Variants in WIF1 observed in about 807,000 individuals in gnomAD.
The protein encoded by WIF1 is Wnt inhibitory factor 1.
Under a neutral mutation model 53.5 loss-of-function variants are expected in WIF1, and 35 were observed. The ratio of observed to expected loss-of-function variants is 0.65; its 90% CI spans 0.50 to 0.87. The LOEUF (loss-of-function observed/expected upper bound fraction) is 0.87. WIF1 is among the 40% of genes least tolerant of loss of function. The probability of loss-of-function intolerance (pLI) is 0.00; values close to 1 mark genes in which losing one functional copy is unlikely to be tolerated. For synonymous variants in WIF1, 171 were observed against 170.4 expected (o/e 1.00, Z -0.03); for missense variants, 467 against 476.8 (o/e 0.98, Z 0.19).
intron 1 of WIF1, 192 bp from the exon 2 acceptor site, chr12:65,120,748 T>A: frequency 1.2e-6 from 1 of 826,384 alleles, no homozygotes; most frequent in Non-Finnish European, 1.8e-6. Context: ...AACAGACCCA[T>A]GCTTTCAGGG....
At chr12:65,054,558 C>G (rs1349046582) in intron 9 of WIF1, among the ~76,000 whole-genome samples, 2 of 152,158 alleles carry the variant, frequency 1.3e-5, no homozygotes, top group African/African-American at 4.8e-5. Flanking sequence ...AAATGCAACT[C>G]CATTATAACA....
intron 2 of WIF1, among the ~76,000 whole-genome samples, chr12:65,093,113 G>C (rs1191574607): frequency 6.6e-6 from 1 of 152,200 alleles, no homozygotes; most frequent in African/African-American, 2.4e-5. Flanking sequence ...TAGCACTAAA[G>C]TAATCAGAGA....
At chr12:65,083,745 T>C (rs572579637) in intron 2 of WIF1, 129 of 327,520 alleles carry the variant, frequency 3.9e-4, no homozygotes, top group African/African-American at 2.9e-3. Flanking sequence ...TCTTTTCTTT[T>C]CTTTCCTTTC....
At chr12:65,080,850 A>G (rs1257568678) in intron 2 of WIF1, among the ~76,000 whole-genome samples, 2 of 152,170 alleles carry the variant, frequency 1.3e-5, no homozygotes, top group African/African-American at 4.8e-5. Flanking sequence ...ATCATTTGCT[A>G]CCCCATAATT....
At chr12:65,090,453 G>T (rs929542702) in intron 2 of WIF1, among the ~76,000 whole-genome samples, 1 of 152,166 alleles carries the variant, frequency 6.6e-6, no homozygotes, top group Non-Finnish European at 1.5e-5. Context: ...GAGCTTGCAG[G>T]CTGGAAGGGA....
intron 2 of WIF1, among the ~76,000 whole-genome samples, chr12:65,099,714 G>A (rs546967039): frequency 3.3e-5 from 5 of 152,104 alleles, no homozygotes; most frequent in South Asian, 4.1e-4. Flanking sequence ...CTCTGGGAGC[G>A]CTGATTAGCA....
chr12:65,085,780 T>TG (rs1195565277), intron 2 of WIF1, among the ~76,000 whole-genome samples: 1 of 152,222 alleles, frequency 6.6e-6, no homozygotes, highest in Non-Finnish European at 1.5e-5. Context: ...TATTAAAACT[T>TG]GAAGTTCAAA....
chr12:65,115,610 G>T (rs947893018), intron 2 of WIF1, among the ~76,000 whole-genome samples: 7 of 152,300 alleles, frequency 4.6e-5, no homozygotes, highest in South Asian at 4.1e-4. Context: ...CTATTGAAAA[G>T]TTTTATACAA....
intron 6 of WIF1, among the ~76,000 whole-genome samples, chr12:65,064,272 C>G (rs1369094217): frequency 6.6e-6 from 1 of 152,214 alleles, no homozygotes. Context: ...TTTGGCCACA[C>G]TCTTAGTACT....
intron 2 of WIF1, among the ~76,000 whole-genome samples, chr12:65,078,382 A>G (rs1030757263): frequency 6.6e-6 from 1 of 152,184 alleles, no homozygotes; most frequent in Non-Finnish European, 1.5e-5. Flanking sequence ...CCTGCCCAGT[A>G]ATTTTTTAAC....
chr12:65,074,772 C>T (rs148774498), intron 3 of WIF1, among the ~76,000 whole-genome samples: 190 of 132,964 alleles, frequency 1.4e-3, no homozygotes, highest in African/African-American at 4.4e-3. Flanking sequence ...AGTTGAGACC[C>T]GCACCACTGC....
chr12:65,113,232 C>T (rs146281383), intron 2 of WIF1, among the ~76,000 whole-genome samples: 2,230 of 152,220 alleles, frequency 0.015, 30 homozygotes, highest in Non-Finnish European at 0.025. Flanking sequence ...CTGATAAGGC[C>T]TCTTCCAGAG....
intron 4 of WIF1, among the ~76,000 whole-genome samples, chr12:65,068,435 T>C (rs967000220): frequency 6.6e-6 from 1 of 152,048 alleles, no homozygotes; most frequent in African/African-American, 2.4e-5. Flanking sequence ...AAGGGGGAAA[T>C]TCATGACCAC....
intron 4 of WIF1, among the ~76,000 whole-genome samples, chr12:65,068,353 A>C (rs1003685205): frequency 1.4e-4 from 22 of 152,018 alleles, no homozygotes; most frequent in African/African-American, 5.3e-4. Flanking sequence ...AGGTTATATT[A>C]GTGTTGCCTT....
chr12:65,055,313 T>G, intron 8 of WIF1, 100 bp from the exon 9 acceptor site: 11 of 1,344,060 alleles, frequency 8.2e-6, no homozygotes, highest in Non-Finnish European at 1.1e-5. Context: ...GTGTTAGTTT[T>G]GGCTTCATCC....
Position 65,074,844 on chromosome 12 carries a change from G to GA in WIF1, c.397+2901dup, listed in dbSNP as rs1193585773. On this transcript the variant is annotated intron_variant, in intron 3 of 9. Transcript: ENST00000286574. ...AAAAAAAAAAAAAAAAAAAAGAAAA[G>GA]AAAAAGAAAATTATTTTCAACTAAA... Among the ~76,000 whole-genome samples, 908 of 113,286 alleles carry GA rather than the reference G, an allele frequency of 8.0e-3. 12 individuals are homozygous for GA. Among genetic ancestry groups the GA allele is most frequent in the African/African-American group, 0.027 (864 of 32,314 alleles). 74.3% of individuals were successfully genotyped at this position (113,286 alleles called of 152,430 possible).
intron 2 of WIF1, among the ~76,000 whole-genome samples, chr12:65,088,511 G>T (rs1322541014): frequency 1.3e-5 from 2 of 151,992 alleles, no homozygotes; most frequent in Non-Finnish European, 2.9e-5. Context: ...TATAACCATG[G>T]CCTCAGTTTT....
chr12:65,075,752 G>A lies in WIF1; in HGVS notation c.397+1994C>T, dbSNP rs528516016. ...TAAATGCAGTGGAAAAAATTGCAAA[G>A]GAAAAGATAGGTTTGACCACATAGG... On this transcript the variant is annotated intron_variant, in intron 3 of 9. Coordinates refer to ENST00000286574, the MANE Select transcript of WIF1 (RefSeq NM_007191.5). Among the ~76,000 whole-genome samples, 170 of 152,184 alleles carry A rather than the reference G, an allele frequency of 1.1e-3. 2 individuals carry two copies. Among genetic ancestry groups the A allele is most frequent in the African/African-American group, 4.0e-3 (166 of 41,550 alleles).
chr12:65,082,007 TA>T (rs1248776135), intron 2 of WIF1, among the ~76,000 whole-genome samples: 1 of 152,100 alleles, frequency 6.6e-6, no homozygotes, highest in Non-Finnish European at 1.5e-5. Context: ...ACTGTGAAAA[TA>T]TTTCCACAAA....
Sources: gnomAD v4.1 joint callset for allele counts (sites outside exome capture counted in the v4.1 genomes callset) on GRCh38, gnomAD v4.1.1 for gene constraint, MANE v1.5 for transcripts, NCBI Gene and HGNC (gene_info 2026-07-23, HGNC 2026-07-21) for gene names.